TESK1: variants seen among roughly 807,000 people sequenced by gnomAD.
The protein encoded by TESK1 is dual specificity testis-specific protein kinase 1.
TESK1 carries 18 observed loss-of-function variants against 59.9 expected under a neutral mutation model. The ratio of observed to expected loss-of-function variants is 0.30; its 90% CI spans 0.21 to 0.45. The LOEUF (loss-of-function observed/expected upper bound fraction) is 0.45, where lower values mean the gene tolerates loss of function less well. TESK1 is among the 20% of genes least tolerant of loss of function. TESK1 has a pLI of 1.00. For missense variants in TESK1, 748 were observed against 840.9 expected, an observed-to-expected ratio of 0.89 and a Z score of 1.37; for synonymous variants, 341 against 357.4, an observed-to-expected ratio of 0.95 and a Z score of 0.52.
rs760581820 is a variant in TESK1 at position 35,609,468 on chromosome 9, G to A, written c.1607G>A (p.Arg536Gln). 2.5e-5 allele frequency: 40 copies of A among 1,606,106 alleles called. No individual in the cohort carries two copies. Among genetic ancestry groups the A allele is most frequent in the African/African-American group, 6.7e-5 (5 of 74,740 alleles). Residue 536 changes from arginine (R) to glutamine (Q), a missense_variant, in exon 10 of 10, where the codon CGG becomes CAG. Physicochemically the swap from Arg to Gln is conservative, Grantham distance 43. This residue lies in a region of TESK1 where 447 missense variants were observed against 466.1 expected (regional missense o/e 0.96). Coordinates refer to ENST00000336395, the MANE Select transcript of TESK1 (RefSeq NM_006285.3). This position sits in a 1 kb window ranked among gnomAD's most constrained non-coding sequence, Gnocchi z 6.7. Reference sequence around the variant, plus strand: ...GGCTGGGCTGGGGAGCCCTGGAACCGGGCCCAGCATAGCCTGCCCCGGGCG... The same window carrying A: ...GGCTGGGCTGGGGAGCCCTGGAACCAGGCCCAGCATAGCCTGCCCCGGGCG... The part of the protein sequence containing the change: ...PQGWAGEPWN[R>Q]AQHSLPRAAA...
Position 35,606,035 on chromosome 9 carries a change from C to A in TESK1, c.271C>A (p.Pro91Thr). 6.2e-7 allele frequency: 1 copy of A among 1,614,136 alleles called. No homozygotes were observed. The highest frequency in any genetic ancestry group is 8.5e-7 in the Non-Finnish European group (1 of 1,180,018). Residue 91 changes from proline to threonine, a missense_variant, in exon 2 of 10, where the codon CCC (proline) becomes ACC (threonine). Around this residue, in one of 3 missense-constraint regions of TESK1, gnomAD observed 168 missense variants for 257.4 expected, o/e 0.65. Transcript: ENST00000336395. The stretch of plus-strand genomic sequence containing the variant: ...CATGGTGCTGAAGATGAACAAGCTC[C>A]CCAGTAACCGGGGCAACACACTACG... ...QVMVLKMNKL[P>T]SNRGNTLREV...
rs1822822924 is a variant in TESK1, at chr9:35,605,491, C to CGGCGGATCTT, written c.-129_-128insGGCGGATCTT. The CGGCGGATCTT allele has an allele frequency of 3.7e-6, 1 of 268,474 alleles. No homozygotes were observed. The highest frequency in any genetic ancestry group is 6.9e-6 in the Non-Finnish European group (1 of 145,914). 16.6% of individuals were successfully genotyped at this position (268,474 alleles called of 1,614,324 possible). Reference sequence around the variant, plus strand: ...GGGTCCAGGATCTTCGGCGGATCTTCCATTCTCAGGGCGGGAGCCGGAGTC... The same window carrying CGGCGGATCTT: ...GGGTCCAGGATCTTCGGCGGATCTTCGGCGGATCTTCATTCTCAGGGCGGGAGCCGGAGTC... On this transcript the variant is annotated 5_prime_UTR_variant, in exon 1 of 10. Transcript: ENST00000336395.
chr9:35,607,833 A>G lies in TESK1; in HGVS notation c.712-95A>G. The G allele has an allele frequency of 7.0e-7, 1 of 1,423,250 alleles. No homozygotes were observed. The highest frequency in any genetic ancestry group is 1.2e-5 in the South Asian group (1 of 82,228). 88.2% of individuals were successfully genotyped at this position (1,423,250 alleles called of 1,614,324 possible). A position where few individuals can be genotyped will look rare whatever the true frequency, so the allele number is the denominator to read the frequency against. On this transcript the variant is annotated intron_variant, in intron 6 of 9. Coordinates refer to ENST00000336395, the MANE Select transcript of TESK1 (RefSeq NM_006285.3). This position sits in a 1 kb window ranked among gnomAD's most constrained non-coding sequence, Gnocchi z 4.5. ...CTTCTAACACATGAAAACTGTCAAG[A>G]TCCCCCACCCTCAACCAAATTCTGC...
chr9:35,607,110 T>C lies in TESK1; in HGVS notation c.537+127T>C. 7.2e-7 allele frequency: 1 copy of C among 1,380,672 alleles called. No individual in the cohort carries two copies. The highest frequency in any genetic ancestry group is 9.7e-7 in the Non-Finnish European group (1 of 1,026,464). The allele number at this position is 1,380,672 out of a possible 1,614,324, so 85.5% of individuals were successfully genotyped here. On this transcript the variant is annotated intron_variant, in intron 4 of 9. Coordinates refer to ENST00000336395, the MANE Select transcript of TESK1 (RefSeq NM_006285.3). The surrounding 1 kb of genome is among the most constrained non-coding windows in gnomAD (Gnocchi z 4.5). Reference sequence around the variant, plus strand: ...GTTGGAGTGGCAAGGCATTGGAGAATATTGGGGGACCAGGGTGAGGGGAGT... The same window carrying C: ...GTTGGAGTGGCAAGGCATTGGAGAACATTGGGGGACCAGGGTGAGGGGAGT...
At position 35,609,527 on chromosome 9, in the gene TESK1, C is replaced by T. The variant is rs138246140; in HGVS notation, c.1666C>T (p.Pro556Ser). The T allele has an allele frequency of 6.2e-7, 1 of 1,611,376 alleles. No individual in the cohort carries two copies. The highest frequency in any genetic ancestry group is 8.5e-7 in the Non-Finnish European group (1 of 1,178,634). Reference protein sequence around the residue: ...ALERTEPSPPPSAPREPDEGL... With the variant: ...ALERTEPSPPSSAPREPDEGL... ...GGAGCGGACAGAACCCTCGCCACCC[C>T]CTTCAGCTCCCCGGGAGCCCGATGA... The change falls in exon 10 of 10, where the codon CCT becomes TCT. Residue 556 changes from proline to serine, a missense_variant. By Grantham distance (74) the Pro-to-Ser change is moderately conservative. Transcript: ENST00000336395. This position sits in a 1 kb window ranked among gnomAD's most constrained non-coding sequence, Gnocchi z 6.7.
At position 35,609,856 on chromosome 9, in the gene TESK1, C is replaced by T. The variant is rs1294904089; in HGVS notation, c.*114C>T. 35 of 1,277,976 alleles carry T rather than the reference C, an allele frequency of 2.7e-5. No individual in the cohort carries two copies. The highest frequency in any genetic ancestry group is 1.3e-4 in the South Asian group (8 of 63,272). 79.2% of individuals were successfully genotyped at this position (1,277,976 alleles called of 1,614,324 possible). ...AGATGGGCTGACCGGCTCTTCTCCC[C>T]GTGTAGGGGAGCCCCAGCATGGACT... On this transcript the variant is annotated 3_prime_UTR_variant, in exon 10 of 10. Transcript: ENST00000336395. The surrounding 1 kb of genome is among the most constrained non-coding windows in gnomAD (Gnocchi z 6.7).
At chr9:35,605,893 A>G (rs1193573830) in intron 1 of TESK1, 55 bp downstream of exon 1, 9 of 1,606,426 alleles carry the variant, frequency 5.6e-6, no homozygotes, top group Non-Finnish European at 6.0e-6. Context: ...CCAGAGGCTG[A>G]AACTAGGGGG....
At position 35,607,927 on chromosome 9, in the gene TESK1, G is replaced by C; in HGVS notation, c.712-1G>C. 6.2e-7 allele frequency: 1 copy of C among 1,614,028 alleles called. No homozygotes were observed. Among genetic ancestry groups the C allele is most frequent in the Non-Finnish European group, 8.5e-7 (1 of 1,180,006 alleles). ...CCGACACTATTATCTCTGACCCCCA[G>C]GCTGATGTCTTTGCCTTCGGGATTG... On this transcript the variant is annotated splice_acceptor_variant, in intron 6 of 9. Transcript: ENST00000336395. LOFTEE classifies it high-confidence loss of function. The surrounding 1 kb of genome is among the most constrained non-coding windows in gnomAD (Gnocchi z 4.5).
At chr9:35,608,570 A>G in intron 9 of TESK1, 61 bp downstream of exon 9, 1 of 1,482,260 alleles carries the variant, frequency 6.7e-7, no homozygotes, top group South Asian at 1.2e-5. Context: ...CCTAGAATTC[A>G]GAGGTGACAT....
In TESK1 at chr9:35,609,357, G is replaced by C. The variant is rs79161336; in HGVS notation, c.1496G>C (p.Cys499Ser). Reference sequence around the variant, plus strand: ...GCCACAGACAACTTCATCAGCACCTGTTCCTCGGCCTCCCAACCCTGGTCC... The same window carrying C: ...GCCACAGACAACTTCATCAGCACCTCTTCCTCGGCCTCCCAACCCTGGTCC... ...AVATDNFIST[C>S]SSASQPWSPR... Residue 499 changes from cysteine to serine, a missense_variant, in exon 10 of 10, where the codon TGT becomes TCT. Physicochemically the swap from Cys to Ser is moderately radical, Grantham distance 112. Transcript: ENST00000336395. This position sits in a 1 kb window ranked among gnomAD's most constrained non-coding sequence, Gnocchi z 6.7. 2 of 1,613,116 alleles carry C rather than the reference G, an allele frequency of 1.2e-6. No homozygotes were observed. Among genetic ancestry groups the C allele is most frequent in the South Asian group, 2.2e-5 (2 of 91,000 alleles).
At chr9:35,605,940 C>A (rs1459595375) in intron 1 of TESK1, 44 bp from the exon 2 acceptor site, 3 of 1,610,042 alleles carry the variant, frequency 1.9e-6, no homozygotes, top group Non-Finnish European at 1.7e-6. Context: ...ACTCCGGCGA[C>A]CCGCCCGACC....
rs139838175 is a variant in TESK1 at position 35,608,899 on chromosome 9, C to T, written c.1038C>T (p.Pro346=). ...VARGGPSATL[P]RPDPRLSRSR... ...GAGGGGGTCCCTCTGCCACGCTTCCCAGGCCAGATCCCCGGCTTTCCCGAA... is the reference window on the plus strand; with the variant it reads ...GAGGGGGTCCCTCTGCCACGCTTCCTAGGCCAGATCCCCGGCTTTCCCGAA... Residue 346 remains proline (P), a synonymous_variant, in exon 10 of 10, where the codon CCC becomes CCT. Coordinates refer to ENST00000336395, the MANE Select transcript of TESK1 (RefSeq NM_006285.3). 20 of 1,608,194 alleles carry T rather than the reference C, an allele frequency of 1.2e-5. No individual in the cohort carries two copies. Among genetic ancestry groups the T allele is most frequent in the Middle Eastern group, 1.7e-4 (1 of 6,058 alleles).
chr9:35,608,514 G>T lies in TESK1; in HGVS notation c.1000+5G>T. ...CCGCCCTGACACACAATCAGGGTAA[G>T]GGAGCCTGACCTTGATCCAGCTTGA... On this transcript the variant is annotated splice_donor_5th_base_variant and intron_variant, in intron 9 of 9. Coordinates refer to ENST00000336395, the MANE Select transcript of TESK1 (RefSeq NM_006285.3). 6.2e-7 allele frequency: 1 copy of T among 1,612,958 alleles called. No homozygotes were observed. Among genetic ancestry groups the T allele is most frequent in the African/African-American group, 1.3e-5 (1 of 75,014 alleles).
rs1387025508 is a variant in TESK1 at position 35,607,117 on chromosome 9, G to A, written c.537+134G>A. On this transcript the variant is annotated intron_variant, in intron 4 of 9. Transcript: ENST00000336395. This position sits in a 1 kb window ranked among gnomAD's most constrained non-coding sequence, Gnocchi z 4.5. Reference sequence around the variant, plus strand: ...TGGCAAGGCATTGGAGAATATTGGGGGACCAGGGTGAGGGGAGTGCTCGGA... The same window carrying A: ...TGGCAAGGCATTGGAGAATATTGGGAGACCAGGGTGAGGGGAGTGCTCGGA... 7.4e-7 allele frequency: 1 copy of A among 1,356,196 alleles called. No individual in the cohort carries two copies. The highest frequency in any genetic ancestry group is 1.0e-6 in the Non-Finnish European group (1 of 1,003,840). 84.0% of individuals were successfully genotyped at this position (1,356,196 alleles called of 1,614,324 possible).
chr9:35,605,363 C>CCACCGT lies in TESK1; in HGVS notation c.-251_-246dup. The CCACCGT allele has an allele frequency of 6.7e-6, 1 of 150,180 alleles. No individual in the cohort carries two copies. The highest frequency in any genetic ancestry group is 1.5e-5 in the Non-Finnish European group (1 of 67,408). 9.3% of individuals were successfully genotyped at this position (150,180 alleles called of 1,614,324 possible). On this transcript the variant is annotated 5_prime_UTR_variant, in exon 1 of 10. Transcript: ENST00000336395. Reference sequence around the variant, plus strand: ...CCGCCGGCGCCCCGGAGCGCTGCCGCCACCGTCACCGCCACCGCCCGGTCC... The same window carrying CCACCGT: ...CCGCCGGCGCCCCGGAGCGCTGCCGCCACCGTCACCGTCACCGCCACCGCCCGGTCC...
At position 35,609,846 on chromosome 9, in the gene TESK1, C is replaced by A. The variant is rs139165251; in HGVS notation, c.*104C>A. The A allele has an allele frequency of 4.7e-4, 631 of 1,340,088 alleles. 2 individuals carry two copies. The African/African-American group carries it at 8.6e-3, about 18-fold the overall frequency. The allele number at this position is 1,340,088 out of a possible 1,614,324, so 83.0% of individuals were successfully genotyped here. ...TGCCAGTTCCAGATGGGCTGACCGG[C>A]TCTTCTCCCCGTGTAGGGGAGCCCC... On this transcript the variant is annotated 3_prime_UTR_variant, in exon 10 of 10. Transcript: ENST00000336395. The surrounding 1 kb of genome is among the most constrained non-coding windows in gnomAD (Gnocchi z 6.7).
intron 3 of TESK1, 141 bp downstream of exon 3, chr9:35,606,426 T>A (rs760596209): frequency 4.4e-4 from 430 of 988,184 alleles, no homozygotes; most frequent in Non-Finnish European, 6.4e-4. Flanking sequence ...TGAACTTTCC[T>A]TTAGGCAAAC....
In TESK1 at chr9:35,608,188, G is replaced by A. The variant is rs757292921; in HGVS notation, c.824G>A (p.Arg275Gln). 2.9e-5 allele frequency: 47 copies of A among 1,614,020 alleles called. No individual in the cohort carries two copies. Among genetic ancestry groups the A allele is most frequent in the Admixed American group, 2.5e-4 (15 of 60,006 alleles). The change falls in exon 8 of 10, where the codon CGA (arginine) becomes CAA (glutamine). Residue 275 changes from arginine to glutamine, a missense_variant. Physicochemically the swap from Arg to Gln is conservative, Grantham distance 43. Around this residue, in one of 3 missense-constraint regions of TESK1, gnomAD observed 168 missense variants for 257.4 expected, o/e 0.65. Coordinates refer to ENST00000336395, the MANE Select transcript of TESK1 (RefSeq NM_006285.3). ...TTTGGCCTGGATGTGCCTGCTTTCC[G>A]AACTCTGGTGGGGGATGACTGCCCA... Reference protein sequence around the residue: ...EDFGLDVPAFRTLVGDDCPLP... With the variant: ...EDFGLDVPAFQTLVGDDCPLP...
At position 35,607,609 on chromosome 9, in the gene TESK1, C is replaced by T. The variant is rs1359025717; in HGVS notation, c.648C>T (p.Ala216=). Residue 216 remains alanine, a synonymous_variant, in exon 6 of 10, where the codon GCC becomes GCT. Transcript: ENST00000336395. This position sits in a 1 kb window ranked among gnomAD's most constrained non-coding sequence, Gnocchi z 4.5. ...AGGGGGCAAGGAAGGAGCCATTGGC[C>T]GTGGTGGGCTCCCCATACTGGATGG... ...YREGARKEPL[A]VVGSPYWMAP... The T allele has an allele frequency of 7.4e-6, 12 of 1,613,814 alleles. No individual in the cohort carries two copies. The Admixed American group carries it at 1.0e-4, about 13-fold the overall frequency.
Sources: allele counts gnomAD v4.1 joint callset, GRCh38; gene constraint gnomAD v4.1.1; regional missense constraint gnomAD v4.1.1; non-coding constraint Gnocchi (gnomAD v3.1); transcripts MANE v1.5; gene names NCBI Gene and HGNC (gene_info 2026-07-23, HGNC 2026-07-21).